TMEM132D: variants seen among roughly 807,000 people sequenced by gnomAD.
The protein encoded by TMEM132D is transmembrane protein 132D.
TMEM132D carries 21 observed loss-of-function variants against 62.3 expected under a neutral mutation model. The observed-to-expected ratio is 0.34, with a 90% CI of 0.24 to 0.49. The LOEUF (loss-of-function observed/expected upper bound fraction) is 0.49, where lower values mean the gene tolerates loss of function less well. Ranked by LOEUF, TMEM132D falls within the 20% of genes least tolerant of loss-of-function variation. TMEM132D has a pLI of 0.99. For synonymous variants in TMEM132D, 621 were observed against 575.6 expected (o/e 1.08, Z -1.13); for missense variants, 1,346 against 1,402.8 (o/e 0.96, Z 0.65).
At chr12:129,681,343 G>A (rs1880774434) in intron 2 of TMEM132D, 1 of 152,218 alleles carries the variant, frequency 6.6e-6, no homozygotes, top group Non-Finnish European at 1.5e-5. Flanking sequence ...GGCTCAGTTG[G>A]GAGATTCTTC....
At chr12:129,667,478 C>A (rs1880404788) in intron 2 of TMEM132D, among the ~76,000 whole-genome samples, 1 of 152,096 alleles carries the variant, frequency 6.6e-6, no homozygotes, top group Non-Finnish European at 1.5e-5. Context: ...AGTCTCCTAT[C>A]AAAGTAAAGG....
intron 2 of TMEM132D, 114 bp downstream of exon 2, chr12:129,699,696 G>A (rs1303240758): frequency 1.0e-5 from 14 of 1,349,910 alleles, no homozygotes; most frequent in Non-Finnish European, 1.3e-5. Context: ...TGTAAGAACG[G>A]GAAGGCCGGC....
At chr12:129,651,012 A>C (rs1879913829) in intron 2 of TMEM132D, among the ~76,000 whole-genome samples, 1 of 152,190 alleles carries the variant, frequency 6.6e-6, no homozygotes, top group Admixed American at 6.5e-5. Context: ...ACATCATTTC[A>C]AAATATGTTA....
chr12:129,531,298 G>T, intron 2 of TMEM132D, 93 bp from the exon 3 acceptor site: 1 of 1,436,158 alleles, frequency 7.0e-7, no homozygotes, highest in South Asian at 1.6e-5. Context: ...ATTGCTCACC[G>T]TTGCCTGGCA....
intron 4 of TMEM132D, among the ~76,000 whole-genome samples, chr12:129,216,026 A>G (rs1037868346): frequency 3.3e-5 from 5 of 152,218 alleles, no homozygotes; most frequent in African/African-American, 1.2e-4. Flanking sequence ...GCTACAATTC[A>G]AGATGAGATT....
intron 1 of TMEM132D, among the ~76,000 whole-genome samples, chr12:129,708,734 G>A (rs1669449): frequency 6.9e-6 from 1 of 145,224 alleles, no homozygotes; most frequent in Non-Finnish European, 1.5e-5. Flanking sequence ...ATATTCCAGA[G>A]AACATTATTT....
intron 1 of TMEM132D, among the ~76,000 whole-genome samples, chr12:129,876,145 C>T (rs1285223553): frequency 6.6e-6 from 1 of 152,160 alleles, no homozygotes; most frequent in Non-Finnish European, 1.5e-5. Flanking sequence ...AGGAAATCGA[C>T]AGAAGGGAGG....
intron 2 of TMEM132D, among the ~76,000 whole-genome samples, chr12:129,678,922 C>G (rs1483571820): frequency 6.6e-6 from 1 of 151,932 alleles, no homozygotes; most frequent in African/African-American, 2.4e-5. Context: ...CATACAAAAT[C>G]TCACATTTTC....
intron 5 of TMEM132D, among the ~76,000 whole-genome samples, chr12:129,201,340 C>T (rs1208509572): frequency 6.6e-6 from 1 of 152,178 alleles, no homozygotes; most frequent in Non-Finnish European, 1.5e-5. Context: ...TCTGTGGGTT[C>T]TTACAATGTC....
intron 1 of TMEM132D, among the ~76,000 whole-genome samples, chr12:129,800,903 G>A (rs1871753482): frequency 6.6e-6 from 1 of 152,238 alleles, no homozygotes; most frequent in African/African-American, 2.4e-5. Context: ...CCTCACTCGG[G>A]AAGCACAAGG....
chr12:129,507,934 C>A (rs989160391), intron 3 of TMEM132D, among the ~76,000 whole-genome samples: 1 of 152,092 alleles, frequency 6.6e-6, no homozygotes, highest in Non-Finnish European at 1.5e-5. Context: ...CAAAACTCCA[C>A]CACATATTCT....
chr12:129,394,051 A>G (rs1422351350), intron 3 of TMEM132D, among the ~76,000 whole-genome samples: 3 of 152,200 alleles, frequency 2.0e-5, no homozygotes, highest in Non-Finnish European at 4.4e-5. Flanking sequence ...CCCCCTTAAC[A>G]AGGCAAAATT....
chr12:129,201,997 A>G (rs1438895373), intron 5 of TMEM132D, among the ~76,000 whole-genome samples: 2 of 142,356 alleles, frequency 1.4e-5, no homozygotes, highest in Admixed American at 7.2e-5. Context: ...TTCACTGGGG[A>G]CCTGTTGCCT....
chr12:129,739,883 T>G (rs1018724965), intron 1 of TMEM132D, among the ~76,000 whole-genome samples: 2 of 152,210 alleles, frequency 1.3e-5, no homozygotes, highest in Non-Finnish European at 2.9e-5. Context: ...GGCACTACTG[T>G]GCTCGAGGAG....
intron 1 of TMEM132D, among the ~76,000 whole-genome samples, chr12:129,791,107 T>A (rs1050956389): frequency 5.9e-5 from 9 of 152,236 alleles, no homozygotes; most frequent in Non-Finnish European, 1.2e-4. Context: ...ATTGCATACA[T>A]TTATTTAATT....
intron 5 of TMEM132D, among the ~76,000 whole-genome samples, chr12:129,139,737 G>A (rs1480891080): frequency 6.6e-6 from 1 of 152,116 alleles, no homozygotes; most frequent in East Asian, 1.9e-4. Context: ...TGTTGCCCAG[G>A]CAAGAGTGCA....
chr12:129,416,989 T>C lies in TMEM132D; in HGVS notation c.1116-79172A>G, dbSNP rs533582333. The stretch of plus-strand genomic sequence containing the variant: ...TTCACATTGATGATTATCAGGAATA[T>C]TGGCCTGAAATTTTCTTTTTTGTTG... On this transcript the variant is annotated intron_variant, in intron 3 of 8. Transcript: ENST00000422113. Among the ~76,000 whole-genome samples the C allele has an allele frequency of 5.9e-5, 9 of 152,334 alleles. No individual in the cohort carries two copies. In the South Asian group the frequency reaches 1.2e-3, roughly 21 times the overall value.
At chr12:129,348,553 C>T (rs976076055) in intron 3 of TMEM132D, among the ~76,000 whole-genome samples, 10 of 151,838 alleles carry the variant, frequency 6.6e-5, no homozygotes, top group African/African-American at 9.7e-5. Flanking sequence ...CAGGGCCTGT[C>T]GGGGGTAGTG....
intron 1 of TMEM132D, among the ~76,000 whole-genome samples, chr12:129,901,274 A>G (rs1430349693): frequency 6.6e-6 from 1 of 152,252 alleles, no homozygotes; most frequent in Non-Finnish European, 1.5e-5. Flanking sequence ...AGAGAATCTT[A>G]GAGGGAGGTG....
Sources: allele counts gnomAD v4.1 joint callset (sites outside exome capture counted in the v4.1 genomes callset), GRCh38; gene constraint gnomAD v4.1.1; transcripts MANE v1.5; gene names NCBI Gene and HGNC (gene_info 2026-07-23, HGNC 2026-07-21).